Variants in TENM3 observed in about 807,000 individuals in gnomAD.
The protein encoded by TENM3 is teneurin transmembrane protein 3, also known as teneurin-3.
TENM3 carries 63 observed loss-of-function variants against 255.1 expected under a neutral mutation model. The observed-to-expected ratio is 0.25, with a 90% CI of 0.20 to 0.30. The LOEUF (loss-of-function observed/expected upper bound fraction) is 0.30, where lower values mean the gene tolerates loss of function less well. Ranked by LOEUF, TENM3 falls within the 10% of genes least tolerant of loss-of-function variation. The pLI is 1.00. For synonymous variants in TENM3, 1,306 were observed against 1,322.3 expected (o/e 0.99, Z 0.27); for missense variants, 2,929 against 3,461.1 (o/e 0.85, Z 3.86).
the TENM3 span, among the ~76,000 whole-genome samples, chr4:181,626,679 C>A: frequency 6.6e-6 from 1 of 152,110 alleles, no homozygotes; most frequent in Non-Finnish European, 1.5e-5. Flanking sequence ...AGGGATCTGC[C>A]CCTGTGATCC....
chr4:181,752,579 A>G, the TENM3 span, among the ~76,000 whole-genome samples: 4 of 152,156 alleles, frequency 2.6e-5, no homozygotes, highest in Non-Finnish European at 5.9e-5. Context: ...GAATGTAGGT[A>G]TCAATCAAAA....
the TENM3 span, among the ~76,000 whole-genome samples, chr4:181,861,564 G>T: frequency 6.6e-6 from 1 of 151,874 alleles, no homozygotes; most frequent in South Asian, 2.1e-4. Flanking sequence ...TCTTTTTCTG[G>T]TTTTCCTTTT....
the TENM3 span, among the ~76,000 whole-genome samples, chr4:181,849,949 T>TCTCTCACACACACACA: frequency 2.9e-3 from 194 of 65,942 alleles, 3 homozygotes; most frequent in East Asian, 0.036. Flanking sequence ...TCTCTCTCTC[T>TCTCTCACACACACACA]CACACACACA....
chr4:182,492,686 C>G (rs956200862), intron 3 of TENM3, among the ~76,000 whole-genome samples: 2 of 152,140 alleles, frequency 1.3e-5, no homozygotes, highest in African/African-American at 4.8e-5. Context: ...GCCAAATCTT[C>G]AGAGAGGTTA....
the TENM3 span, among the ~76,000 whole-genome samples, chr4:182,101,354 G>GGAA: frequency 6.8e-6 from 1 of 147,416 alleles, no homozygotes; most frequent in African/African-American, 2.5e-5. Flanking sequence ...AAGGAAGAAA[G>GGAA]GGAGGGAGGG....
At chr4:182,343,992 T>C (rs992425086) in intron 2 of TENM3, among the ~76,000 whole-genome samples, 9 of 152,188 alleles carry the variant, frequency 5.9e-5, no homozygotes, top group African/African-American at 1.4e-4. Context: ...TGTTGCTATT[T>C]GAAAATGAGT....
chr4:182,449,689 A>G (rs1773289173), intron 3 of TENM3, among the ~76,000 whole-genome samples: 2 of 152,206 alleles, frequency 1.3e-5, no homozygotes, highest in South Asian at 4.1e-4. Flanking sequence ...ATGGGGGAAA[A>G]GGTACAAAAT....
At chr4:182,055,115 G>A in the TENM3 span, among the ~76,000 whole-genome samples, 2 of 152,162 alleles carry the variant, frequency 1.3e-5, no homozygotes, top group Non-Finnish European at 2.9e-5. Flanking sequence ...GGGAGGCCAA[G>A]GCGGGCAGAT....
At position 182,283,331 on chromosome 4, in the gene TENM3, C is replaced by CAT. The variant is rs1219211433; in HGVS notation, c.-76+39858_-76+39859dup. Reference sequence around the variant, plus strand: ...AACGGGGGCCTTTGTTTACCCAGATCATATGTCCCTTGCTTTTTCGCAATT... The same window carrying CAT: ...AACGGGGGCCTTTGTTTACCCAGATCATATATGTCCCTTGCTTTTTCGCAATT... On this transcript the variant is annotated intron_variant, in intron 1 of 27. Coordinates refer to ENST00000511685, the MANE Select transcript of TENM3 (RefSeq NM_001080477.4). Among the ~76,000 whole-genome samples, 3 of 152,254 alleles carry CAT rather than the reference C, an allele frequency of 2.0e-5. No homozygotes were observed. In the East Asian group the frequency reaches 5.8e-4, roughly 29 times the overall value.
chr4:182,385,614 T>A (rs1175308724), intron 3 of TENM3, among the ~76,000 whole-genome samples: 3 of 152,128 alleles, frequency 2.0e-5, no homozygotes, highest in Admixed American at 1.3e-4. Context: ...TCAGCAATAA[T>A]CCATTGCAAT....
chr4:181,968,196 C>G, the TENM3 span, among the ~76,000 whole-genome samples: 2 of 152,274 alleles, frequency 1.3e-5, no homozygotes, highest in South Asian at 4.2e-4. Context: ...TGTGAGACCT[C>G]CTGTTATGCT....
the TENM3 span, among the ~76,000 whole-genome samples, chr4:181,767,097 A>G: frequency 7.6e-6 from 1 of 132,362 alleles, no homozygotes; most frequent in Non-Finnish European, 1.6e-5. Context: ...CTAAAAATAC[A>G]AAAAATTAGC....
the TENM3 span, among the ~76,000 whole-genome samples, chr4:181,582,812 A>G: frequency 5.6e-3 from 855 of 152,306 alleles, 11 homozygotes; most frequent in African/African-American, 0.019. Context: ...AAGGTGCTCC[A>G]TCTGAAAAGG....
chr4:181,807,789 A>T, the TENM3 span, among the ~76,000 whole-genome samples: 1 of 152,226 alleles, frequency 6.6e-6, no homozygotes, highest in Non-Finnish European at 1.5e-5. Context: ...AAGTTACATG[A>T]TGTGAAATTG....
Position 182,403,158 on chromosome 4 carries a change from G to A in TENM3, c.511+56229G>A, listed in dbSNP as rs1023921333. The stretch of plus-strand genomic sequence containing the variant: ...CTTTCAGACACAGTTTGGCAAATAC[G>A]GCAGCTCAGTCAAGTGAAATGTGCT... On this transcript the variant is annotated intron_variant, in intron 3 of 27. Coordinates refer to ENST00000511685, the MANE Select transcript of TENM3 (RefSeq NM_001080477.4). Among the ~76,000 whole-genome samples, 8 of 152,272 alleles carry A rather than the reference G, an allele frequency of 5.3e-5. No homozygotes were observed. In the East Asian group the frequency reaches 5.8e-4, roughly 11 times the overall value.
chr4:182,293,368 G>C (rs1178037874), intron 1 of TENM3, among the ~76,000 whole-genome samples: 2 of 152,170 alleles, frequency 1.3e-5, no homozygotes, highest in African/African-American at 4.8e-5. Context: ...CATGGTTTTA[G>C]AAGCTGAGTG....
Position 182,493,910 on chromosome 4 carries a change from A to G in TENM3, c.512-107014A>G, listed in dbSNP as rs143455649. ...AATAATATTGGTTTTTTAAAAATTT[A>G]TAACCATCTTCAGTGTATTTGCTAA... is the stretch of plus-strand genomic sequence containing the variant. On this transcript the variant is annotated intron_variant, in intron 3 of 27. Transcript: ENST00000511685. Among the ~76,000 whole-genome samples the G allele has an allele frequency of 7.6e-4, 116 of 152,272 alleles. 2 individuals carry two copies. In the East Asian group the frequency reaches 0.021, roughly 28 times the overall value.
chr4:181,638,113 T>A, the TENM3 span, among the ~76,000 whole-genome samples: 2 of 152,344 alleles, frequency 1.3e-5, no homozygotes, highest in East Asian at 3.9e-4. Flanking sequence ...TTTATTACTA[T>A]GTAACTTTTA....
At position 182,799,396 on chromosome 4, in the gene TENM3, G is replaced by C. The variant is rs1047948695; in HGVS notation, c.7345-200G>C. On this transcript the variant is annotated intron_variant, in intron 27 of 27. Transcript: ENST00000511685. The surrounding 1 kb of genome is among the most constrained non-coding windows in gnomAD (Gnocchi z 4.2). ...ATCCACGATGAGTGAGCCATTTGGGGGTTCCAGAGCATCGGGATCACCTTG... is the reference window on the plus strand; with the variant it reads ...ATCCACGATGAGTGAGCCATTTGGGCGTTCCAGAGCATCGGGATCACCTTG... Among the ~76,000 whole-genome samples, 7 of 152,200 alleles carry C rather than the reference G, an allele frequency of 4.6e-5. No individual in the cohort carries two copies. The highest frequency in any genetic ancestry group is 7.3e-5 in the Non-Finnish European group (5 of 68,036).
Sources: gnomAD v4.1 joint callset for allele counts (sites outside exome capture counted in the v4.1 genomes callset) on GRCh38, gnomAD v4.1.1 for gene constraint, Gnocchi (gnomAD v3.1) non-coding constraint, MANE v1.5 for transcripts, NCBI Gene and HGNC (gene_info 2026-07-23, HGNC 2026-07-21) for gene names.